TMEM38B: variants seen among roughly 807,000 people sequenced by gnomAD.
TMEM38B encodes transmembrane protein 38B.
A neutral mutation model predicts 28.7 loss-of-function variants in TMEM38B; 24 were observed. The ratio of observed to expected loss-of-function variants is 0.84; its 90% CI spans 0.61 to 1.18. The LOEUF (loss-of-function observed/expected upper bound fraction) is 1.18. Among genes scored for constraint, TMEM38B ranks in the 50% most tolerant of loss-of-function variants. TMEM38B has a pLI of 0.00. For missense variants in TMEM38B, 380 were observed against 350.9 expected, an observed-to-expected ratio of 1.08 and a Z score of -0.66; for synonymous variants, 131 against 127.7, an observed-to-expected ratio of 1.03 and a Z score of -0.17.
intron 5 of TMEM38B, chr9:105,758,763 A>G: frequency 4.0e-6 from 3 of 756,594 alleles, no homozygotes; most frequent in Non-Finnish European, 7.0e-6. Context: ...ATCTCATAGA[A>G]CTCCTAAAAA....
At chr9:105,718,113 T>TGTTA (rs994358318) in intron 2 of TMEM38B, among the ~76,000 whole-genome samples, 2 of 152,344 alleles carry the variant, frequency 1.3e-5, no homozygotes, top group Admixed American at 1.3e-4. Flanking sequence ...GAAACAGGAA[T>TGTTA]GTTACCTTTG....
chr9:105,741,873 G>A (rs1339017719), intron 4 of TMEM38B, among the ~76,000 whole-genome samples: 2 of 152,212 alleles, frequency 1.3e-5, no homozygotes, highest in Non-Finnish European at 2.9e-5. Context: ...CTGGAGAGAA[G>A]TGAGGGTGTG....
chr9:105,695,826 A>G (rs1416092133), intron 1 of TMEM38B, among the ~76,000 whole-genome samples: 2 of 152,218 alleles, frequency 1.3e-5, no homozygotes, highest in Non-Finnish European at 2.9e-5. Context: ...CTCAGTTTAA[A>G]TCGTTGGTAC....
At chr9:105,744,120 A>G (rs1355610531) in intron 4 of TMEM38B, among the ~76,000 whole-genome samples, 1 of 152,108 alleles carries the variant, frequency 6.6e-6, no homozygotes, top group African/African-American at 2.4e-5. Context: ...GGGTTGGGAT[A>G]AAATATTTAT....
intron 4 of TMEM38B, among the ~76,000 whole-genome samples, chr9:105,744,782 T>A (rs1837330392): frequency 6.6e-6 from 1 of 152,082 alleles, no homozygotes; most frequent in African/African-American, 2.4e-5. Context: ...TTCCCCTTCC[T>A]GTGTCCATGT....
chr9:105,767,718 A>C (rs776641653), intron 5 of TMEM38B, among the ~76,000 whole-genome samples: 1 of 152,150 alleles, frequency 6.6e-6, no homozygotes, highest in Non-Finnish European at 1.5e-5. Flanking sequence ...TAGTTTTTCA[A>C]ATTTCAATTT....
In TMEM38B at chr9:105,748,088, C is replaced by A. The variant is rs745961491; in HGVS notation, c.558C>A (p.Thr186=). The change falls in exon 5 of 6, where the codon ACC becomes ACA. Residue 186 remains threonine, a synonymous_variant. Transcript: ENST00000374692. ...WLKMSYPAKV[T]LLGSVIFTFQ... is the part of the protein sequence containing the mutation. The stretch of plus-strand genomic sequence containing the variant: ...TTATTTTCAGCCCTGCCAAGGTAAC[C>A]CTGCTGGGGTCAGTTATCTTCACAT... The A allele has an allele frequency of 6.2e-6, 10 of 1,612,554 alleles. No homozygotes were observed. The Middle Eastern group carries it at 1.7e-3, about 267-fold the overall frequency.
At chr9:105,755,537 T>C (rs1376403413) in intron 5 of TMEM38B, among the ~76,000 whole-genome samples, 1 of 152,248 alleles carries the variant, frequency 6.6e-6, no homozygotes, top group African/African-American at 2.4e-5. Flanking sequence ...ATTGTTTGAC[T>C]ATTCTGGATC....
intron 5 of TMEM38B, chr9:105,749,340 G>T (rs566363195): frequency 1.1e-4 from 22 of 199,910 alleles, no homozygotes; most frequent in Non-Finnish European, 2.0e-4. Flanking sequence ...CACAATCATG[G>T]TGGAAGGTGG....
intron 2 of TMEM38B, among the ~76,000 whole-genome samples, chr9:105,714,897 G>T (rs545260844): frequency 6.6e-5 from 10 of 152,248 alleles, no homozygotes; most frequent in African/African-American, 2.4e-4. Context: ...TTATGTCTAG[G>T]CCTTTTTAGT....
At chr9:105,700,818 A>G (rs1461709580) in intron 1 of TMEM38B, among the ~76,000 whole-genome samples, 1 of 152,138 alleles carries the variant, frequency 6.6e-6, no homozygotes, top group Non-Finnish European at 1.5e-5. Context: ...AAAAACAGGG[A>G]AAAGTGCAAA....
At chr9:105,722,906 A>G (rs1313945723) in intron 4 of TMEM38B, among the ~76,000 whole-genome samples, 2 of 152,208 alleles carry the variant, frequency 1.3e-5, no homozygotes, top group Non-Finnish European at 2.9e-5. Context: ...AAAAGTATAT[A>G]TTTATAAAGT....
rs78812828 is a variant in TMEM38B, at chr9:105,706,621, A to T, written c.269+868A>T. On this transcript the variant is annotated intron_variant, in intron 2 of 5. Coordinates refer to ENST00000374692, the MANE Select transcript of TMEM38B (RefSeq NM_018112.3). ...AAACAAGAATTGGCTAAATACAGGC[A>T]TTTGTAAAACACCGTTATGCTTAAG... Among the ~76,000 whole-genome samples the T allele has an allele frequency of 5.3e-3, 812 of 152,266 alleles. 4 individuals are homozygous for T. The highest frequency in any genetic ancestry group is 0.019 in the African/African-American group (769 of 41,536).
At chr9:105,747,677 A>G (rs1398853076) in intron 4 of TMEM38B, among the ~76,000 whole-genome samples, 1 of 151,986 alleles carries the variant, frequency 6.6e-6, no homozygotes, top group African/African-American at 2.4e-5. Context: ...TTAGGGTGTC[A>G]ATTTTAGATC....
chr9:105,715,809 CTT>C (rs940797417), intron 2 of TMEM38B, among the ~76,000 whole-genome samples: 1 of 151,888 alleles, frequency 6.6e-6, no homozygotes, highest in Non-Finnish European at 1.5e-5. Flanking sequence ...TTCTTAATGT[CTT>C]TAGCTTGTTT....
At chr9:105,747,998 G>C (rs1588451479) in intron 4 of TMEM38B, 75 bp from the exon 5 acceptor site, 3 of 936,050 alleles carry the variant, frequency 3.2e-6, no homozygotes, top group Admixed American at 3.7e-5. Context: ...TTAATGTTTT[G>C]CAGTGCACTC....
intron 4 of TMEM38B, among the ~76,000 whole-genome samples, chr9:105,736,627 G>T (rs928162842): frequency 6.6e-6 from 1 of 152,106 alleles, no homozygotes. Flanking sequence ...GTCAGTTACT[G>T]GAGAATTACT....
chr9:105,703,255 C>T (rs1261361893), intron 1 of TMEM38B, among the ~76,000 whole-genome samples: 9 of 152,244 alleles, frequency 5.9e-5, no homozygotes, highest in South Asian at 2.1e-4. Context: ...GAGGCTGAGG[C>T]GGGTGAATCA....
chr9:105,756,669 A>G (rs1361734008), intron 5 of TMEM38B, among the ~76,000 whole-genome samples: 2 of 152,178 alleles, frequency 1.3e-5, no homozygotes, highest in African/African-American at 4.8e-5. Flanking sequence ...AAAGTTCTGT[A>G]TTTTAACACC....
Sources: gnomAD v4.1 joint callset for allele counts (sites outside exome capture counted in the v4.1 genomes callset) on GRCh38, gnomAD v4.1.1 for gene constraint, MANE v1.5 for transcripts, NCBI Gene and HGNC (gene_info 2026-07-23, HGNC 2026-07-21) for gene names.